Variants in TRPM2 observed in about 807,000 individuals in gnomAD.
The protein encoded by TRPM2 is estrogen-responsive element-associated gene 1 protein.
TRPM2 carries 161 observed loss-of-function variants against 174.0 expected under a neutral mutation model. That is an observed-to-expected ratio of 0.93 (90% CI 0.81 to 1.05). The LOEUF is 1.05. TRPM2 is among the 50% of genes least tolerant of loss of function. TRPM2 has a pLI of 0.00. For synonymous variants in TRPM2, 954 were observed against 861.3 expected, an observed-to-expected ratio of 1.11 and a Z score of -1.88; for missense variants, 2,057 against 2,038.0, an observed-to-expected ratio of 1.01 and a Z score of -0.18.
chr21:44,353,963 G>T (rs1454173602), intron 1 of TRPM2, 98 bp downstream of exon 1: 6 of 1,444,584 alleles, frequency 4.2e-6, no homozygotes, highest in Admixed American at 2.9e-5. Flanking sequence ...GGGTGGGAAA[G>T]GGTCTGCTGA....
intron 28 of TRPM2, among the ~76,000 whole-genome samples, chr21:44,436,783 G>A (rs1204725494): frequency 6.6e-6 from 1 of 151,992 alleles, no homozygotes; most frequent in Non-Finnish European, 1.5e-5. Flanking sequence ...GGGTCAAAGG[G>A]CAGGTACCTC....
chr21:44,407,342 G>C (rs1426442524), intron 19 of TRPM2, among the ~76,000 whole-genome samples: 1 of 148,154 alleles, frequency 6.7e-6, no homozygotes, highest in African/African-American at 2.5e-5. Flanking sequence ...GCCCAGGCTA[G>C]TATCGAACTC....
At chr21:44,373,618 ACCTGCATTATATGCG>A (rs2048608396) in intron 5 of TRPM2, among the ~76,000 whole-genome samples, 4 of 143,496 alleles carry the variant, frequency 2.8e-5, no homozygotes, top group South Asian at 4.2e-4. Flanking sequence ...ATTATATGCG[ACCTGCATTATATGCG>A]ACCCGGATAG....
chr21:44,432,172 C>T lies in TRPM2; in HGVS notation c.3975-2959C>T, dbSNP rs2051047515. 6.6e-6 allele frequency among the ~76,000 whole-genome samples: 1 copy of T among 152,180 alleles called. No homozygotes were observed. The highest frequency in any genetic ancestry group is 2.4e-5 in the African/African-American group (1 of 41,444). On this transcript the variant is annotated intron_variant, in intron 27 of 31. Coordinates refer to ENST00000397928, the MANE Select transcript of TRPM2 (RefSeq NM_003307.4). This position sits in a 1 kb window ranked among gnomAD's most constrained non-coding sequence, Gnocchi z 4.9. ...TAACTAAGTACCACAAACTGGGGGGCTTAACAGAAATGGATTATCTCACAG... is the reference window on the plus strand; with the variant it reads ...TAACTAAGTACCACAAACTGGGGGGTTTAACAGAAATGGATTATCTCACAG...
intron 5 of TRPM2, 63 bp from the exon 6 acceptor site, chr21:44,375,770 C>T: frequency 6.5e-7 from 1 of 1,534,248 alleles, no homozygotes; most frequent in Non-Finnish European, 8.8e-7. Flanking sequence ...GGTGTTCAGC[C>T]TGCTCGCGTT....
chr21:44,374,253 T>G (rs2048630155), intron 5 of TRPM2, among the ~76,000 whole-genome samples: 1 of 152,056 alleles, frequency 6.6e-6, no homozygotes. Flanking sequence ...TCAACTGATC[T>G]GCCCACCTTG....
At chr21:44,401,264 C>T (rs761577358) in intron 15 of TRPM2, among the ~76,000 whole-genome samples, 11 of 151,998 alleles carry the variant, frequency 7.2e-5, no homozygotes, top group Non-Finnish European at 1.0e-4. Context: ...CCATTGAGGA[C>T]GGCAAGGAAA....
At position 44,405,904 on chromosome 21, in the gene TRPM2, G is replaced by A; in HGVS notation, c.2658-1G>A. 1 of 1,601,950 alleles carries A rather than the reference G, an allele frequency of 6.2e-7. No homozygotes were observed. The highest frequency in any genetic ancestry group is 8.5e-7 in the Non-Finnish European group (1 of 1,179,370). ...TGTGTGTGCTTCTGCCCGGCGGCCA[G>A]GCTCATCCCGGCGACGCTGTACCCC... On this transcript the variant is annotated splice_acceptor_variant, in intron 17 of 31. Coordinates refer to ENST00000397928, the MANE Select transcript of TRPM2 (RefSeq NM_003307.4). LOFTEE classifies it high-confidence loss of function.
chr21:44,359,199 C>T (rs376580858), intron 2 of TRPM2, among the ~76,000 whole-genome samples: 2 of 151,344 alleles, frequency 1.3e-5, no homozygotes, highest in Admixed American at 1.3e-4. Context: ...TTACAGTGTG[C>T]GGATTGGTCC....
In TRPM2 at chr21:44,369,344, G is replaced by A; in HGVS notation, c.771+1G>A. The A allele has an allele frequency of 6.2e-7, 1 of 1,609,254 alleles. No individual in the cohort carries two copies. The highest frequency in any genetic ancestry group is 1.3e-5 in the African/African-American group (1 of 74,990). ...CCGCGAGGGCCTGATCCATCCCACG[G>A]TGAGTGCGGCCCCCTAGGGAGGGGA... On this transcript the variant is annotated splice_donor_variant, in intron 5 of 31. Transcript: ENST00000397928. LOFTEE classifies it high-confidence loss of function.
intron 9 of TRPM2, among the ~76,000 whole-genome samples, chr21:44,389,565 C>G (rs969656146): frequency 6.6e-6 from 1 of 152,180 alleles, no homozygotes; most frequent in East Asian, 1.9e-4. Context: ...TGTTGTCAGT[C>G]TTTTAAACTG....
At chr21:44,425,193 T>C in intron 24 of TRPM2, 1 of 525,484 alleles carries the variant, frequency 1.9e-6, no homozygotes, top group South Asian at 2.5e-5. Flanking sequence ...TGCTGTGCCC[T>C]GAGCTCCCCA....
chr21:44,423,289 C>T (rs745765724), intron 22 of TRPM2: 1 of 301,788 alleles, frequency 3.3e-6, no homozygotes, highest in Non-Finnish European at 6.4e-6. Flanking sequence ...CGCCACATCA[C>T]CCCCAAAACA....
rs1204773646 is a variant in TRPM2, at chr21:44,442,048, C to G, written c.*231C>G. The G allele has an allele frequency of 1.8e-6, 1 of 559,180 alleles. No homozygotes were observed. Among genetic ancestry groups the G allele is most frequent in the African/African-American group, 1.9e-5 (1 of 51,814 alleles). The allele number at this position is 559,180 out of a possible 1,614,324, so 34.6% of individuals were successfully genotyped here. A position where few individuals can be genotyped will look rare whatever the true frequency, so the allele number is the denominator to read the frequency against. ...AGCTCAAGACAGGGCACAGGCTACT[C>G]AGAGCTGAGGGGCCCCTGGGACCCT... On this transcript the variant is annotated 3_prime_UTR_variant, in exon 32 of 32. Transcript: ENST00000397928.
chr21:44,401,986 C>T (rs2049636641), intron 16 of TRPM2, 89 bp downstream of exon 16: 1 of 1,427,766 alleles, frequency 7.0e-7, no homozygotes, highest in East Asian at 2.3e-5. Context: ...AGAGCCCACC[C>T]CATCTAGCCT....
intron 31 of TRPM2, among the ~76,000 whole-genome samples, 160 bp downstream of exon 31, chr21:44,441,065 C>T (rs530428148): frequency 6.6e-6 from 1 of 152,292 alleles, no homozygotes; most frequent in African/African-American, 2.4e-5. Flanking sequence ...GGACCGGGGT[C>T]TGGATTCTGG....
In TRPM2 at chr21:44,429,278, C is replaced by CTTTTTTTTTTTTTTTTTTTTTT. The variant is rs35708355; in HGVS notation, c.3974+2172_3974+2193dup. Among the ~76,000 whole-genome samples, 4 of 44,194 alleles carry CTTTTTTTTTTTTTTTTTTTTTT rather than the reference C, an allele frequency of 9.1e-5. 1 individual carries two copies. The highest frequency in any genetic ancestry group is 8.6e-5 in the African/African-American group (1 of 11,668). 29.0% of individuals were successfully genotyped at this position (44,194 alleles called of 152,430 possible). A position where few individuals can be genotyped will look rare whatever the true frequency, so the allele number is the denominator to read the frequency against. On this transcript the variant is annotated intron_variant, in intron 27 of 31. Coordinates refer to ENST00000397928, the MANE Select transcript of TRPM2 (RefSeq NM_003307.4). ...GTAATTATAACATTTTTTTCTTTTT[C>CTTTTTTTTTTTTTTTTTTTTTT]TTTTTTTTTTTTTTTTTTTTTTTTT...
intron 27 of TRPM2, among the ~76,000 whole-genome samples, chr21:44,433,609 C>T (rs553812320): frequency 2.8e-4 from 42 of 152,278 alleles, no homozygotes; most frequent in South Asian, 1.2e-3. Context: ...CCCCGGCCTT[C>T]GAGCTGAGGT....
At chr21:44,441,056 G>C in intron 31 of TRPM2, 151 bp downstream of exon 31, 1 of 699,592 alleles carries the variant, frequency 1.4e-6, no homozygotes, top group South Asian at 1.6e-5. Context: ...GGAAGGCGGG[G>C]ACCGGGGTCT....
Sources: gnomAD v4.1 joint callset for allele counts (sites outside exome capture counted in the v4.1 genomes callset) on GRCh38, gnomAD v4.1.1 for gene constraint, Gnocchi (gnomAD v3.1) non-coding constraint, MANE v1.5 for transcripts, NCBI Gene and HGNC (gene_info 2026-07-23, HGNC 2026-07-21) for gene names.